ANKRD6: variants seen among roughly 807,000 people sequenced by gnomAD.
ANKRD6 encodes ankyrin repeat domain-containing protein 6.
A neutral mutation model predicts 82.3 loss-of-function variants in ANKRD6; 56 were observed. The ratio of observed to expected loss-of-function variants is 0.68; its 90% CI spans 0.55 to 0.85. The LOEUF is 0.85. Among genes scored for constraint, ANKRD6 ranks in the 40% least tolerant of loss-of-function variants. The pLI, the probability that ANKRD6 is intolerant of heterozygous loss-of-function variation, is 0.00. For synonymous variants in ANKRD6, 347 were observed against 352.1 expected (o/e 0.99, Z 0.16); for missense variants, 852 against 907.6 (o/e 0.94, Z 0.79).
intron 2 of ANKRD6, among the ~76,000 whole-genome samples, chr6:89,582,244 T>A (rs933192548): frequency 6.6e-6 from 1 of 151,430 alleles, no homozygotes; most frequent in South Asian, 2.1e-4. Context: ...GGGGGTGGAG[T>A]CTTGCTATAT....
At chr6:89,630,337 T>C in intron 15 of ANKRD6, 96 bp from the exon 16 acceptor site, 2 of 1,405,700 alleles carry the variant, frequency 1.4e-6, no homozygotes, top group Non-Finnish European at 1.9e-6. Flanking sequence ...AGGCTGGTGA[T>C]ATACAGGATC....
chr6:89,621,862 TTC>T (rs1212662655), intron 9 of ANKRD6, 58 bp from the exon 10 acceptor site: 1 of 1,528,128 alleles, frequency 6.5e-7, no homozygotes, highest in Non-Finnish European at 9.0e-7. Context: ...CCAAGGAGAA[TTC>T]TCTCACACAG....
Position 89,531,151 on chromosome 6 carries a change from T to G in ANKRD6, c.-143-35683T>G, listed in dbSNP as rs561399179. On this transcript the variant is annotated intron_variant, in intron 1 of 15. Transcript: ENST00000339746. ...GTGGCTCGGGGCCTGTGAGCATGCA[T>G]CCGCCTGCCAGTGCGCGGAAGGTGC... is the stretch of plus-strand genomic sequence containing the variant. 2.3e-4 allele frequency among the ~76,000 whole-genome samples: 35 copies of G among 152,348 alleles called. No individual in the cohort carries two copies. In the East Asian group the frequency reaches 6.0e-3, roughly 26 times the overall value.
intron 1 of ANKRD6, among the ~76,000 whole-genome samples, chr6:89,454,900 G>A (rs775178875): frequency 1.3e-5 from 2 of 152,158 alleles, no homozygotes; most frequent in Non-Finnish European, 2.9e-5. Flanking sequence ...ATGAGCAGTG[G>A]TGCGATCTCA....
chr6:89,435,137 A>G (rs961217401), intron 1 of ANKRD6, among the ~76,000 whole-genome samples: 3 of 152,206 alleles, frequency 2.0e-5, no homozygotes, highest in African/African-American at 7.2e-5. Flanking sequence ...GCTTAGAGAC[A>G]AGGCACACTT....
intron 1 of ANKRD6, among the ~76,000 whole-genome samples, chr6:89,449,596 A>G (rs865901931): frequency 6.6e-6 from 1 of 152,208 alleles, no homozygotes; most frequent in South Asian, 2.1e-4. Context: ...AATTGCAGCA[A>G]TTCAGACAAG....
chr6:89,508,239 G>C (rs756680723), intron 1 of ANKRD6, among the ~76,000 whole-genome samples: 6 of 152,210 alleles, frequency 3.9e-5, no homozygotes, highest in Non-Finnish European at 8.8e-5. Flanking sequence ...TGAGGTTGCA[G>C]TCTAAGACAT....
chr6:89,527,621 A>AG (rs1554227722), intron 1 of ANKRD6, among the ~76,000 whole-genome samples: 20 of 148,752 alleles, frequency 1.3e-4, no homozygotes, highest in Admixed American at 4.6e-4. Flanking sequence ...AAAAAAAAAA[A>AG]AAAAAGAAAA....
chr6:89,599,105 G>A (rs944260496), intron 3 of ANKRD6, among the ~76,000 whole-genome samples: 1 of 152,114 alleles, frequency 6.6e-6, no homozygotes, highest in Non-Finnish European at 1.5e-5. Context: ...GGGCCTGGTG[G>A]CTCACACCTG....
At chr6:89,442,813 G>A (rs1298072018) in intron 1 of ANKRD6, among the ~76,000 whole-genome samples, 1 of 152,264 alleles carries the variant, frequency 6.6e-6, no homozygotes, top group African/African-American at 2.4e-5. Flanking sequence ...TTCTTATTAT[G>A]TAGGTGAAGT....
intron 2 of ANKRD6, among the ~76,000 whole-genome samples, chr6:89,576,079 T>G (rs1440784104): frequency 6.6e-6 from 1 of 150,720 alleles, no homozygotes; most frequent in Non-Finnish European, 1.5e-5. Context: ...TGAGACGGAG[T>G]CTCGCTCTGT....
intron 2 of ANKRD6, among the ~76,000 whole-genome samples, chr6:89,576,057 CT>C (rs1233357443): frequency 8.9e-4 from 130 of 146,148 alleles, no homozygotes; most frequent in South Asian, 1.3e-3. Context: ...AACTTTCTTT[CT>C]TTTTTTTTTT....
intron 2 of ANKRD6, among the ~76,000 whole-genome samples, chr6:89,584,921 T>A (rs1583481628): frequency 6.6e-6 from 1 of 151,940 alleles, no homozygotes; most frequent in Admixed American, 6.6e-5. Flanking sequence ...GAGAGAGGGG[T>A]CTCTAGTCTC....
At chr6:89,516,189 G>A (rs1195718479) in intron 1 of ANKRD6, among the ~76,000 whole-genome samples, 1 of 152,194 alleles carries the variant, frequency 6.6e-6, no homozygotes, top group Middle Eastern at 3.2e-3. Context: ...CCTGTGACTG[G>A]ATAGACTGAG....
intron 2 of ANKRD6, among the ~76,000 whole-genome samples, chr6:89,583,883 G>A (rs1793149261): frequency 6.6e-6 from 1 of 152,208 alleles, no homozygotes; most frequent in South Asian, 2.1e-4. Flanking sequence ...GGTAGGCTTG[G>A]TGGGAGTTTG....
chr6:89,512,884 G>GT (rs1780720618), intron 1 of ANKRD6, among the ~76,000 whole-genome samples: 2 of 151,994 alleles, frequency 1.3e-5, no homozygotes, highest in Admixed American at 1.3e-4. Flanking sequence ...GTTCATAGCT[G>GT]TTTTTTTCTT....
At chr6:89,443,266 C>T (rs1390952836) in intron 1 of ANKRD6, among the ~76,000 whole-genome samples, 1 of 152,108 alleles carries the variant, frequency 6.6e-6, no homozygotes, top group African/African-American at 2.4e-5. Context: ...AATTCTTTGA[C>T]CCGGGTGGGG....
At chr6:89,488,431 C>T (rs555393546) in intron 1 of ANKRD6, among the ~76,000 whole-genome samples, 1 of 152,216 alleles carries the variant, frequency 6.6e-6, no homozygotes, top group Non-Finnish European at 1.5e-5. Context: ...GACTGAGGGA[C>T]AGAGTGAGAC....
At chr6:89,475,675 T>C (rs548932155) in intron 1 of ANKRD6, among the ~76,000 whole-genome samples, 32 of 152,332 alleles carry the variant, frequency 2.1e-4, no homozygotes, top group African/African-American at 7.2e-4. Flanking sequence ...CTGTCCTAGA[T>C]AGATGAGGTG....
Sources: gnomAD v4.1 joint callset for allele counts (sites outside exome capture counted in the v4.1 genomes callset) on GRCh38, gnomAD v4.1.1 for gene constraint, MANE v1.5 for transcripts, NCBI Gene and HGNC (gene_info 2026-07-23, HGNC 2026-07-21) for gene names.